The following UNC80 variants were observed in gnomAD, a reference collection of about 807,000 sequenced individuals.
UNC80 encodes unc-80 subunit of NALCN channel complex, also known as protein unc-80 homolog.
A neutral mutation model predicts 384.6 loss-of-function variants in UNC80; 164 were observed. That is an observed-to-expected ratio of 0.43 (90% CI 0.38 to 0.49). UNC80 has a LOEUF of 0.49. Among genes scored for constraint, UNC80 ranks in the 20% least tolerant of loss-of-function variants. The probability of loss-of-function intolerance (pLI) is 0.00; values close to 1 mark genes in which losing one functional copy is unlikely to be tolerated. For synonymous variants in UNC80, 1,486 were observed against 1,527.8 expected (o/e 0.97, Z 0.64); for missense variants, 3,330 against 4,143.0 (o/e 0.80, Z 5.39).
At chr2:209,778,269 G>A (rs889390843) in intron 4 of UNC80, among the ~76,000 whole-genome samples, 8 of 152,080 alleles carry the variant, frequency 5.3e-5, no homozygotes, top group Non-Finnish European at 2.9e-5. Flanking sequence ...CAGGCGTAGT[G>A]CACATCTGCA....
intron 13 of UNC80, 51 bp downstream of exon 13, chr2:209,820,730 T>A: frequency 6.8e-7 from 1 of 1,462,358 alleles, no homozygotes; most frequent in South Asian, 1.5e-5. Context: ...ACCTAATTTC[T>A]TTCTAAAGCT....
intron 22 of UNC80, among the ~76,000 whole-genome samples, chr2:209,864,552 C>A (rs112413598): frequency 0.013 from 1,960 of 152,270 alleles, 46 homozygotes; most frequent in African/African-American, 0.043. Context: ...TCCTGAGCCT[C>A]TGGCTGGAGT....
Position 209,777,574 on chromosome 2 carries a change from A to T in UNC80, c.600+15A>T. On this transcript the variant is annotated intron_variant, in intron 4 of 64. Coordinates refer to ENST00000673920, the MANE Select transcript of UNC80 (RefSeq NM_001371986.1). ...ACAGGATCAAGGTAAGCAGAAACCC[A>T]GTGTTAGAGCTGGAGTGGGTGGAGA... 2 of 1,591,916 alleles carry T rather than the reference A, an allele frequency of 1.3e-6. No individual in the cohort carries two copies. Among genetic ancestry groups the T allele is most frequent in the Non-Finnish European group, 1.7e-6 (2 of 1,168,682 alleles).
At chr2:209,888,473 A>G (rs563185633) in intron 26 of UNC80, among the ~76,000 whole-genome samples, 18 of 152,298 alleles carry the variant, frequency 1.2e-4, no homozygotes, top group African/African-American at 3.8e-4. Flanking sequence ...GAAACTCTCC[A>G]TATTCCATTA....
intron 61 of UNC80, among the ~76,000 whole-genome samples, chr2:209,988,146 G>A (rs56319988): frequency 0.017 from 2,537 of 152,242 alleles, 66 homozygotes; most frequent in African/African-American, 0.058. Flanking sequence ...AGTCTACTGC[G>A]TATTTCCCTG....
chr2:209,880,708 C>T (rs2085210575), intron 24 of UNC80, among the ~76,000 whole-genome samples: 1 of 152,100 alleles, frequency 6.6e-6, no homozygotes, highest in Admixed American at 6.5e-5. Flanking sequence ...AATACTGAAG[C>T]ACTCTGTAGA....
At chr2:209,903,588 A>ATATATAC (rs1378033909) in intron 28 of UNC80, among the ~76,000 whole-genome samples, 15 of 54,438 alleles carry the variant, frequency 2.8e-4, no homozygotes, top group African/African-American at 8.0e-4. Flanking sequence ...TATATGTAAT[A>ATATATAC]TATATATACT....
At position 209,999,165 on chromosome 2, in the gene UNC80, G is replaced by C. The variant is rs2093523986; in HGVS notation, c.*3570G>C. ...AACTATGAAGTCTATTATGAGTACT[G>C]AATGACCAAAGAACATGGAAAAAAT... On this transcript the variant is annotated 3_prime_UTR_variant, in exon 65 of 65. Transcript: ENST00000673920. 1.3e-5 allele frequency: 2 copies of C among 152,128 alleles called. No homozygotes were observed. The highest frequency in any genetic ancestry group is 4.1e-4 in the South Asian group (2 of 4,834). The allele number at this position is 152,128 out of a possible 1,614,324, so 9.4% of individuals were successfully genotyped here. A position where few individuals can be genotyped will look rare whatever the true frequency, so the allele number is the denominator to read the frequency against.
At chr2:209,844,309 G>C (rs16843780) in intron 21 of UNC80, among the ~76,000 whole-genome samples, 26,849 of 151,928 alleles carry the variant, frequency 0.18, 3,136 homozygotes, top group African/African-American at 0.32. Context: ...TATAACTGAG[G>C]CTTAAACTCA....
intron 28 of UNC80, among the ~76,000 whole-genome samples, chr2:209,896,874 C>T (rs932467434): frequency 2.0e-5 from 3 of 152,068 alleles, no homozygotes; most frequent in Non-Finnish European, 2.9e-5. Flanking sequence ...AGGGCACAGG[C>T]AGGAGGTGAT....
intron 61 of UNC80, among the ~76,000 whole-genome samples, chr2:209,985,457 G>A (rs2093267390): frequency 6.6e-6 from 1 of 152,174 alleles, no homozygotes; most frequent in Non-Finnish European, 1.5e-5. Flanking sequence ...TTCTATAGTA[G>A]CTTGTTCCAG....
In UNC80 at chr2:209,777,350, C is replaced by T. The variant is rs35822936; in HGVS notation, c.391C>T (p.Arg131Trp). 1,835 of 1,614,168 alleles carry T rather than the reference C, an allele frequency of 1.1e-3. 18 individuals are homozygous for T. The African/African-American group carries it at 0.022, about 19-fold the overall frequency. ...GGCCCCCCAGGACTGCAACAATGAGCGGTTTGGGGGTACAGACCGAGGCTC... is the reference window on the plus strand; with the variant it reads ...GGCCCCCCAGGACTGCAACAATGAGTGGTTTGGGGGTACAGACCGAGGCTC... ...LEAPQDCNNERFGGTDRGSSW... is the reference protein window; with the variant it reads ...LEAPQDCNNEWFGGTDRGSSW... The change falls in exon 4 of 65, where the codon CGG (arginine) becomes TGG (tryptophan). Residue 131 changes from arginine (R) to tryptophan (W), a missense_variant. This residue lies in a region of UNC80 where 937 missense variants were observed against 1,026.8 expected (regional missense o/e 0.91). Transcript: ENST00000673920.
Position 209,912,540 on chromosome 2 carries a change from C to T in UNC80, c.4783-20C>T, listed in dbSNP as rs1280662462. 1 of 1,509,916 alleles carries T rather than the reference C, an allele frequency of 6.6e-7. No individual in the cohort carries two copies. The highest frequency in any genetic ancestry group is 1.4e-5 in the African/African-American group (1 of 71,836). 93.5% of individuals were successfully genotyped at this position (1,509,916 alleles called of 1,614,324 possible). On this transcript the variant is annotated intron_variant, in intron 29 of 64. Transcript: ENST00000673920. ...TTAGAAAACACATCACTCTTCATTACATATCCCTGGTCTTTTCAGTGCTCA... is the reference window on the plus strand; with the variant it reads ...TTAGAAAACACATCACTCTTCATTATATATCCCTGGTCTTTTCAGTGCTCA...
chr2:209,809,687 A>AATTCCCTC (rs540077058), intron 7 of UNC80: 144 of 520,426 alleles, frequency 2.8e-4, no homozygotes, highest in African/African-American at 2.5e-3. Flanking sequence ...CATGCCACAG[A>AATTCCCTC]ATTCCCTCCT....
intron 36 of UNC80, among the ~76,000 whole-genome samples, 177 bp downstream of exon 36, chr2:209,927,163 T>G (rs2090500647): frequency 6.6e-6 from 1 of 152,196 alleles, no homozygotes; most frequent in South Asian, 2.1e-4. Flanking sequence ...CTCCACCTCC[T>G]TCTCCCTCTA....
At chr2:209,817,269 A>G (rs1328931470) in intron 10 of UNC80, 144 bp downstream of exon 10, 2 of 685,996 alleles carry the variant, frequency 2.9e-6, no homozygotes, top group African/African-American at 1.8e-5. Context: ...CAGTACCAAA[A>G]TAATGCTGTG....
chr2:209,856,260 A>C (rs1036723933), intron 22 of UNC80, among the ~76,000 whole-genome samples: 1 of 152,112 alleles, frequency 6.6e-6, no homozygotes, highest in Non-Finnish European at 1.5e-5. Context: ...CTTTGGTAAA[A>C]TATTTCATTT....
chr2:209,903,324 G>A (rs545503960), intron 28 of UNC80, among the ~76,000 whole-genome samples: 161 of 129,250 alleles, frequency 1.2e-3, no homozygotes, highest in African/African-American at 3.5e-3. Flanking sequence ...TATTATATGT[G>A]TGTGTGTGTG....
intron 60 of UNC80, among the ~76,000 whole-genome samples, chr2:209,984,009 T>C (rs2093223158): frequency 6.6e-6 from 1 of 152,158 alleles, no homozygotes; most frequent in Admixed American, 6.5e-5. Context: ...GCACTCCAGT[T>C]TTCTAAATGG....
Sources: allele counts gnomAD v4.1 joint callset (sites outside exome capture counted in the v4.1 genomes callset), GRCh38; gene constraint gnomAD v4.1.1; regional missense constraint gnomAD v4.1.1; transcripts MANE v1.5; gene names NCBI Gene and HGNC (gene_info 2026-07-23, HGNC 2026-07-21).